Variants in RNF128 observed in about 807,000 individuals in gnomAD.
The protein encoded by RNF128 is ring finger protein 128.
RNF128 carries 13 observed loss-of-function variants against 26.2 expected under a neutral mutation model. That is an observed-to-expected ratio of 0.50 (90% CI 0.32 to 0.79). RNF128 has a LOEUF of 0.79. Ranked by LOEUF, RNF128 falls within the 30% of genes least tolerant of loss-of-function variation. The pLI is 0.03. For missense variants in RNF128, 315 were observed against 349.7 expected (o/e 0.90, Z 0.79); for synonymous variants, 149 against 142.5 (o/e 1.05, Z -0.32).
intron 1 of RNF128, among the ~76,000 whole-genome samples, chrX:106,704,570 G>T (rs1219150313): frequency 9.0e-6 from 1 of 111,105 alleles, no homozygotes; most frequent in East Asian, 2.8e-4. Flanking sequence ...AGGAGAAGTC[G>T]TGTCCTCATG....
At chrX:106,789,348 A>G (rs1930767846) in intron 4 of RNF128, among the ~76,000 whole-genome samples, 2 of 97,067 alleles carry the variant, frequency 2.1e-5, no homozygotes, top group Non-Finnish European at 4.1e-5. Context: ...GTGTATTTAT[A>G]TTATATTATG....
At chrX:106,724,387 G>C (rs764672523), upstream of RNF128, among the ~76,000 whole-genome samples, 2 of 110,669 alleles carry the variant, frequency 1.8e-5, no homozygotes, top group Non-Finnish European at 3.8e-5. Flanking sequence ...CACAGAGAAG[G>C]ATCTCTAAAC....
intron 1 of RNF128, among the ~76,000 whole-genome samples, chrX:106,745,223 G>A (rs1351334278): frequency 1.8e-5 from 2 of 111,317 alleles, no homozygotes; most frequent in African/African-American, 6.5e-5. Flanking sequence ...TAGAGGTGCA[G>A]GGCAGAAAGG....
intron 2 of RNF128, among the ~76,000 whole-genome samples, chrX:106,777,110 G>A (rs1019298668): frequency 1.8e-5 from 2 of 111,478 alleles, no homozygotes; most frequent in Non-Finnish European, 3.8e-5. Context: ...CTGATATGGT[G>A]TAATACTGGT....
At chrX:106,729,129 A>G (rs1340079992) in intron 1 of RNF128, among the ~76,000 whole-genome samples, 1 of 111,825 alleles carries the variant, frequency 8.9e-6, no homozygotes, top group East Asian at 2.8e-4. Context: ...TACTTCTGTT[A>G]AGGGTATTTA....
chrX:106,718,146 C>A (rs1368794726), intron 1 of RNF128, among the ~76,000 whole-genome samples: 1 of 111,816 alleles, frequency 8.9e-6, no homozygotes, highest in Non-Finnish European at 1.9e-5. Flanking sequence ...GAGCTATGCC[C>A]TAAACACCGT....
chrX:106,716,974 G>A (rs1929226801), intron 1 of RNF128, among the ~76,000 whole-genome samples: 1 of 110,586 alleles, frequency 9.0e-6, no homozygotes, highest in East Asian at 2.8e-4. Flanking sequence ...AGGCCGAGGC[G>A]GGCAGATCAC....
chrX:106,785,157 T>A, intron 3 of RNF128, 21 bp downstream of exon 3: 1 of 1,110,289 alleles, frequency 9.0e-7, no homozygotes, highest in Non-Finnish European at 1.2e-6. Flanking sequence ...GACTTTTAAA[T>A]GCTATTTATT....
At chrX:106,770,506 A>C (rs902834543) in intron 1 of RNF128, among the ~76,000 whole-genome samples, 3 of 110,412 alleles carry the variant, frequency 2.7e-5, no homozygotes, top group Non-Finnish European at 3.8e-5. Flanking sequence ...TTTGATCTTC[A>C]ATCACTGATA....
At chrX:106,698,157 C>T (rs1036798327) in intron 1 of RNF128, among the ~76,000 whole-genome samples, 15 of 105,043 alleles carry the variant, frequency 1.4e-4, no homozygotes, top group East Asian at 3.1e-4. Flanking sequence ...GCAGAAGACG[C>T]GTAACATGTT....
intron 1 of RNF128, among the ~76,000 whole-genome samples, chrX:106,716,732 T>C (rs945282348): frequency 2.7e-5 from 3 of 110,993 alleles, no homozygotes; most frequent in African/African-American, 9.8e-5. Context: ...ACAAAAAAGA[T>C]ACATGGTCCC....
At chrX:106,731,419 A>T (rs1435686930) in intron 1 of RNF128, among the ~76,000 whole-genome samples, 1 of 111,699 alleles carries the variant, frequency 9.0e-6, no homozygotes, top group African/African-American at 3.3e-5. Flanking sequence ...TCACCACCCA[A>T]TCCCTTCTCA....
At chrX:106,784,840 G>A (rs1312298537) in intron 2 of RNF128, among the ~76,000 whole-genome samples, 1 of 111,660 alleles carries the variant, frequency 9.0e-6, no homozygotes, top group East Asian at 2.8e-4. Flanking sequence ...TATTGTTTAA[G>A]AAAGTAGGGA....
intron 1 of RNF128, among the ~76,000 whole-genome samples, chrX:106,734,324 T>C (rs1263684044): frequency 1.8e-5 from 2 of 112,164 alleles, no homozygotes; most frequent in Non-Finnish European, 3.8e-5. Flanking sequence ...CTAACCCATA[T>C]GCATTGCCTA....
chrX:106,773,527 C>T (rs1458642014), intron 2 of RNF128, among the ~76,000 whole-genome samples: 1 of 110,890 alleles, frequency 9.0e-6, no homozygotes, highest in African/African-American at 3.3e-5. Flanking sequence ...AAAAACTCAC[C>T]TAAAACCTGA....
chrX:106,702,193 C>T (rs930800903), intron 1 of RNF128, among the ~76,000 whole-genome samples: 1 of 110,847 alleles, frequency 9.0e-6, no homozygotes, highest in Non-Finnish European at 1.9e-5. Context: ...CACCAGTTTC[C>T]GGATAAAAAC....
At chrX:106,793,921 T>G (rs1930870720) in intron 6 of RNF128, among the ~76,000 whole-genome samples, 1 of 111,013 alleles carries the variant, frequency 9.0e-6, no homozygotes, top group Non-Finnish European at 1.9e-5. Context: ...AGTTACTATT[T>G]TTCCCTTTGT....
At chrX:106,781,902 A>T (rs1930572001) in intron 2 of RNF128, among the ~76,000 whole-genome samples, 1 of 111,374 alleles carries the variant, frequency 9.0e-6, no homozygotes. Context: ...CATCGCCCTT[A>T]ATGCAAGTTC....
chrX:106,732,066 G>A (rs1411869866), intron 1 of RNF128, among the ~76,000 whole-genome samples: 1 of 111,616 alleles, frequency 9.0e-6, no homozygotes, highest in Non-Finnish European at 1.9e-5. Flanking sequence ...CTTCTTTCAT[G>A]TTGGTCCCTA....
Sources: gnomAD v4.1 joint callset for allele counts (sites outside exome capture counted in the v4.1 genomes callset) on GRCh38, gnomAD v4.1.1 for gene constraint, MANE v1.5 for transcripts, NCBI Gene and HGNC (gene_info 2026-07-23, HGNC 2026-07-21) for gene names.